STK3: variants seen among roughly 807,000 people sequenced by gnomAD.
STK3 encodes serine/threonine kinase 3, also known as serine/threonine-protein kinase 3.
Under a neutral mutation model 58.0 loss-of-function variants are expected in STK3, and 41 were observed. The ratio of observed to expected loss-of-function variants is 0.71; its 90% CI spans 0.55 to 0.92. The LOEUF is 0.92. Ranked by LOEUF, STK3 falls within the 40% of genes least tolerant of loss-of-function variation. The pLI, the probability that STK3 is intolerant of heterozygous loss-of-function variation, is 0.00. For missense variants in STK3, 479 were observed against 602.7 expected (o/e 0.79, Z 2.15); for synonymous variants, 170 against 191.0 (o/e 0.89, Z 0.91).
intron 6 of STK3, among the ~76,000 whole-genome samples, chr8:98,697,903 A>G (rs1192964593): frequency 6.6e-6 from 1 of 152,120 alleles, no homozygotes; most frequent in Non-Finnish European, 1.5e-5. Flanking sequence ...GCTGAGTTCA[A>G]TTCCTGGATA....
At chr8:98,510,051 A>T (rs897589735) in intron 10 of STK3, among the ~76,000 whole-genome samples, 1 of 152,108 alleles carries the variant, frequency 6.6e-6, no homozygotes, top group African/African-American at 2.4e-5. Flanking sequence ...AAAAGTTCTA[A>T]GCTTTTAAAT....
At chr8:98,705,985 T>A (rs1825936870) in intron 6 of STK3, among the ~76,000 whole-genome samples, 1 of 152,170 alleles carries the variant, frequency 6.6e-6, no homozygotes, top group South Asian at 2.1e-4. Context: ...CCGAATTCCT[T>A]TATATGTGCA....
intron 1 of STK3, among the ~76,000 whole-genome samples, chr8:98,910,848 A>G (rs1215961996): frequency 6.6e-6 from 1 of 152,216 alleles, no homozygotes; most frequent in African/African-American, 2.4e-5. Flanking sequence ...CCACGGTTAC[A>G]GTGCTCAAGA....
At chr8:98,380,512 T>C (rs1222442536) in intron 1 of STK3, among the ~76,000 whole-genome samples, 4 of 152,218 alleles carry the variant, frequency 2.6e-5, no homozygotes, top group African/African-American at 9.6e-5. Context: ...ACATCTATTA[T>C]TACCTTAGAA....
At chr8:98,771,595 T>C (rs902651022) in intron 2 of STK3, among the ~76,000 whole-genome samples, 1 of 152,072 alleles carries the variant, frequency 6.6e-6, no homozygotes, top group Non-Finnish European at 1.5e-5. Flanking sequence ...GACAGAGTCA[T>C]GCTGTGTCAC....
chr8:98,810,992 C>G (rs934339577), intron 1 of STK3, among the ~76,000 whole-genome samples: 1 of 152,230 alleles, frequency 6.6e-6, no homozygotes, highest in Admixed American at 6.5e-5. Flanking sequence ...TGAAGTGTCA[C>G]CAGAAACTAA....
intron 2 of STK3, among the ~76,000 whole-genome samples, chr8:98,373,011 C>G (rs796147980): frequency 5.9e-5 from 9 of 152,188 alleles, no homozygotes; most frequent in African/African-American, 2.2e-4. Flanking sequence ...AATTAACTTC[C>G]CTGAAATGGA....
chr8:98,666,709 A>AAC (rs879305000), intron 6 of STK3, among the ~76,000 whole-genome samples: 25 of 152,166 alleles, frequency 1.6e-4, no homozygotes, highest in Non-Finnish European at 1.2e-4. Context: ...GCCTATTATA[A>AAC]ACAATTCTGG....
chr8:98,393,561 G>A (rs1272316693), intron 3 of STK3: 2 of 152,168 alleles, frequency 1.3e-5, no homozygotes, highest in Non-Finnish European at 2.9e-5. Context: ...GGCCTTAAGA[G>A]GCCTCACACA....
chr8:98,928,088 C>G (rs368208141), intron 1 of STK3, among the ~76,000 whole-genome samples: 16 of 152,160 alleles, frequency 1.1e-4, no homozygotes, highest in Admixed American at 3.3e-4. Context: ...AAGATGAGAA[C>G]AGGAGAAATG....
At chr8:98,363,544 A>G in the STK3 span, among the ~76,000 whole-genome samples, 1 of 152,222 alleles carries the variant, frequency 6.6e-6, no homozygotes, top group African/African-American at 2.4e-5. Flanking sequence ...ATTAAATTAA[A>G]CAATCACTAA....
At chr8:98,358,700 A>G in the STK3 span, among the ~76,000 whole-genome samples, 1 of 152,072 alleles carries the variant, frequency 6.6e-6, no homozygotes, top group Non-Finnish European at 1.5e-5. Context: ...GGCATGGTTT[A>G]GGGGAATGAG....
chr8:98,483,618 T>C (rs1822013184), intron 10 of STK3, among the ~76,000 whole-genome samples: 1 of 152,196 alleles, frequency 6.6e-6, no homozygotes, highest in South Asian at 2.1e-4. Flanking sequence ...GAAATTGATG[T>C]ACAATCTGTC....
intron 10 of STK3, among the ~76,000 whole-genome samples, chr8:98,521,121 G>C (rs1289412501): frequency 6.6e-6 from 1 of 152,172 alleles, no homozygotes; most frequent in African/African-American, 2.4e-5. Context: ...AGAGGGTTGA[G>C]CAGTTCCAGT....
chr8:98,527,047 A>T, intron 9 of STK3, 130 bp from the exon 10 acceptor site: 1 of 591,606 alleles, frequency 1.7e-6, no homozygotes, highest in Non-Finnish European at 2.6e-6. Context: ...CAACATAATT[A>T]ATTTCATAAA....
chr8:98,720,780 G>T (rs1029856655), intron 4 of STK3, among the ~76,000 whole-genome samples: 5 of 151,790 alleles, frequency 3.3e-5, no homozygotes, highest in South Asian at 2.1e-4. Context: ...GAAAAACTGG[G>T]GGTTTTGAGA....
At chr8:98,804,555 T>G (rs1470908974) in intron 1 of STK3, among the ~76,000 whole-genome samples, 2 of 152,220 alleles carry the variant, frequency 1.3e-5, no homozygotes, top group Non-Finnish European at 2.9e-5. Flanking sequence ...AACACAATAG[T>G]CACCTTTTTT....
intron 10 of STK3, among the ~76,000 whole-genome samples, chr8:98,524,633 A>G (rs750274990): frequency 1.3e-5 from 2 of 152,222 alleles, no homozygotes; most frequent in Non-Finnish European, 2.9e-5. Flanking sequence ...TGCAGATCCT[A>G]CGCTGATGTC....
At chr8:98,377,655 G>C (rs1002021005) in intron 2 of STK3, among the ~76,000 whole-genome samples, 1 of 152,042 alleles carries the variant, frequency 6.6e-6, no homozygotes, top group South Asian at 2.1e-4. Context: ...AAAGTAATTT[G>C]GGGCACTTCC....
Sources: gnomAD v4.1 joint callset for allele counts (sites outside exome capture counted in the v4.1 genomes callset) on GRCh38, gnomAD v4.1.1 for gene constraint, MANE v1.5 for transcripts, NCBI Gene and HGNC (gene_info 2026-07-23, HGNC 2026-07-21) for gene names.